Variants in RP1L1 observed in about 807,000 individuals in gnomAD.
RP1L1 encodes RP1 like 1, also known as retinitis pigmentosa 1-like 1 protein.
A neutral mutation model predicts 15.7 loss-of-function variants in RP1L1; 27 were observed. That is an observed-to-expected ratio of 1.72 (90% confidence interval 1.27 to 2.38). The LOEUF is 2.38. Among genes scored for constraint, RP1L1 ranks in the 30% most tolerant of loss-of-function variants. The pLI is 0.00. For synonymous variants in RP1L1, 1,813 were observed against 1,276.7 expected (o/e 1.42, Z -8.96); for missense variants, 4,798 against 3,075.9 (o/e 1.56, Z -13.24).
rs145940513 is a variant in RP1L1 at position 10,631,253 on chromosome 8, GCA to G, written c.-19-8035_-19-8034del. On this transcript the variant is annotated intron_variant, in intron 1 of 3. Transcript: ENST00000382483. Reference sequence around the variant, plus strand: ...CACACACGTACACACATGCACACATGCACACACACGCACACAAACACGCATGC... The same window carrying G: ...CACACACGTACACACATGCACACATGCACACACGCACACAAACACGCATGC... 6.5e-3 allele frequency among the ~76,000 whole-genome samples: 935 copies of G among 144,954 alleles called. 9 individuals are homozygous for G. The highest frequency in any genetic ancestry group is 0.022 in the African/African-American group (870 of 38,760).
rs1797788649 is a variant in RP1L1 at position 10,609,603 on chromosome 8, C to T, written c.4495G>A (p.Ala1499Thr). The change falls in exon 4 of 4, where the codon GCT becomes ACT. Residue 1499 changes from alanine (A) to threonine (T), a missense_variant. Coordinates refer to ENST00000382483, the MANE Select transcript of RP1L1 (RefSeq NM_178857.6). ...EHTQAQPTQG[A>T]AERSSSVACS... ...GCCACCGAAGAGCTCCTCTCTGCAGCCCCCTGGGTGGGTTGGGCCTGCGTG... is the reference window on the plus strand; with the variant it reads ...GCCACCGAAGAGCTCCTCTCTGCAGTCCCCTGGGTGGGTTGGGCCTGCGTG... 1.2e-6 allele frequency: 2 copies of T among 1,606,498 alleles called. No individual in the cohort carries two copies. Among genetic ancestry groups the T allele is most frequent in the African/African-American group, 2.7e-5 (2 of 75,032 alleles).
chr8:10,632,326 C>G (rs11778453), intron 1 of RP1L1, among the ~76,000 whole-genome samples: 60,083 of 152,124 alleles, frequency 0.39, 13,464 homozygotes, highest in East Asian at 0.92. Context: ...TTTTCCTCAG[C>G]CTTTTCTCCT....
At position 10,610,296 on chromosome 8, in the gene RP1L1, C is replaced by A. The variant is rs368855563; in HGVS notation, c.3802G>T (p.Ala1268Ser). 1.2e-5 allele frequency: 19 copies of A among 1,614,080 alleles called. No individual in the cohort carries two copies. The highest frequency in any genetic ancestry group is 8.9e-5 in the East Asian group (4 of 44,894). Residue 1268 changes from alanine (A) to serine (S), a missense_variant, in exon 4 of 4, where the codon GCT (alanine) becomes TCT (serine). Coordinates refer to ENST00000382483, the MANE Select transcript of RP1L1 (RefSeq NM_178857.6). Reference sequence around the variant, plus strand: ...GCTTCATCCTCATTGGTGGCACAAGCGCAGGCTCGGGCGTTCAAGAAGGTT... The same window carrying A: ...GCTTCATCCTCATTGGTGGCACAAGAGCAGGCTCGGGCGTTCAAGAAGGTT... Reference protein sequence around the residue: ...FPTFLNARACACATNEDEAER... With the variant: ...FPTFLNARACSCATNEDEAER...
chr8:10,641,514 G>A (rs1358540005), intron 1 of RP1L1, among the ~76,000 whole-genome samples: 2 of 152,214 alleles, frequency 1.3e-5, no homozygotes, highest in Non-Finnish European at 2.9e-5. Context: ...TTAAAAAGAT[G>A]TGAGGAGAAA....
rs75840879 is a variant in RP1L1 at position 10,646,052 on chromosome 8, C to T, written c.-20+8846G>A. On this transcript the variant is annotated intron_variant, in intron 1 of 3. Coordinates refer to ENST00000382483, the MANE Select transcript of RP1L1 (RefSeq NM_178857.6). ...GTCACCAAGAGAACAAGATAGAAGC[C>T]GTCCCTGCACTTCCAAACTTAGAGT... Among the ~76,000 whole-genome samples, 1,118 of 152,292 alleles carry T rather than the reference C, an allele frequency of 7.3e-3. 10 individuals are homozygous for T. The highest frequency in any genetic ancestry group is 9.6e-3 in the Non-Finnish European group (653 of 68,028).
chr8:10,622,666 G>A lies in RP1L1; in HGVS notation c.536C>T (p.Ala179Val), dbSNP rs1160325788. The A allele has an allele frequency of 6.8e-6, 11 of 1,614,186 alleles. No individual in the cohort carries two copies. The highest frequency in any genetic ancestry group is 1.1e-5 in the South Asian group (1 of 91,078). Residue 179 changes from alanine to valine, a missense_variant, in exon 2 of 4, where the codon GCC becomes GTC. By Grantham distance (64) the Ala-to-Val change is moderately conservative. Coordinates refer to ENST00000382483, the MANE Select transcript of RP1L1 (RefSeq NM_178857.6). ...VLSHRNTRNLAAFLGKASDLL... is the reference protein window; with the variant it reads ...VLSHRNTRNLVAFLGKASDLL... ...ATCTGAGGCTTTGCCGAGAAAGGCG[G>A]CCAGGTTCCTAGTATTCCTGTGACT...
chr8:10,614,839 G>A (rs1378896048), intron 3 of RP1L1, among the ~76,000 whole-genome samples: 1 of 152,098 alleles, frequency 6.6e-6, no homozygotes, highest in Non-Finnish European at 1.5e-5. Context: ...ACGAGTTAAT[G>A]GGTGCAGCAC....
Position 10,645,519 on chromosome 8 carries a change from T to C in RP1L1, c.-20+9379A>G, listed in dbSNP as rs183512166. Among the ~76,000 whole-genome samples the C allele has an allele frequency of 5.1e-4, 78 of 152,224 alleles. No homozygotes were observed. In the East Asian group the frequency reaches 0.015, roughly 28 times the overall value. On this transcript the variant is annotated intron_variant, in intron 1 of 3. Transcript: ENST00000382483. ...GGGGCTTTGGTCCACATCACAGATGTCCAATATCACTTTGTACAGCAGAGT... is the reference window on the plus strand; with the variant it reads ...GGGGCTTTGGTCCACATCACAGATGCCCAATATCACTTTGTACAGCAGAGT...
At chr8:10,624,461 T>G (rs4560753) in intron 1 of RP1L1, among the ~76,000 whole-genome samples, 139,814 of 152,294 alleles carry the variant, frequency 0.92, 64,468 homozygotes, top group Non-Finnish European at 0.95. Flanking sequence ...GTCAAGGAAG[T>G]CCTCCTGGAG....
At chr8:10,650,865 C>T (rs1185161792) in intron 1 of RP1L1, among the ~76,000 whole-genome samples, 2 of 152,222 alleles carry the variant, frequency 1.3e-5, no homozygotes, top group Non-Finnish European at 2.9e-5. Context: ...CCACACTCAG[C>T]TGACTCTGTA....
Position 10,612,747 on chromosome 8 carries a change from C to G in RP1L1, c.1351G>C (p.Asp451His), listed in dbSNP as rs1336441713. 3 of 1,608,110 alleles carry G rather than the reference C, an allele frequency of 1.9e-6. No homozygotes were observed. Among genetic ancestry groups the G allele is most frequent in the Middle Eastern group, 3.3e-4 (2 of 6,052 alleles). The change falls in exon 4 of 4, where the codon GAC becomes CAC. Residue 451 changes from aspartate (D) to histidine (H), a missense_variant. Asp to His is a moderately conservative substitution (Grantham distance 81). Coordinates refer to ENST00000382483, the MANE Select transcript of RP1L1 (RefSeq NM_178857.6). ...GTAGRERCSQ[D>H]SASPASSTGL... ...GTGCTGGAGGCTGGGCTGGCACTGT[C>G]CTGGCTGCATCTCTCCCTCCCGGCA...
intron 1 of RP1L1, among the ~76,000 whole-genome samples, chr8:10,645,963 C>T (rs1051345133): frequency 8.5e-5 from 13 of 152,220 alleles, no homozygotes; most frequent in African/African-American, 2.7e-4. Context: ...CCCTTCAACC[C>T]CCTGCAGGCA....
chr8:10,627,680 G>A (rs1403979767), intron 1 of RP1L1, among the ~76,000 whole-genome samples: 1 of 151,882 alleles, frequency 6.6e-6, no homozygotes, highest in African/African-American at 2.4e-5. Flanking sequence ...TAAAAGGAGG[G>A]GGTGGGATGA....
Position 10,609,714 on chromosome 8 carries a change from G to A in RP1L1, c.4384C>T (p.Pro1462Ser), listed in dbSNP as rs753349000. 6.2e-7 allele frequency: 1 copy of A among 1,613,190 alleles called. No individual in the cohort carries two copies. Among genetic ancestry groups the A allele is most frequent in the East Asian group, 2.2e-5 (1 of 44,866 alleles). ...CCACTCTGCCTCTCGCTGGCACTTGGGTCCGTCTCGCTGAGATGACTAGGG... is the reference window on the plus strand; with the variant it reads ...CCACTCTGCCTCTCGCTGGCACTTGAGTCCGTCTCGCTGAGATGACTAGGG... The part of the protein sequence containing the change: ...EPPSHLSETD[P>S]SASERQSGSQ... The change falls in exon 4 of 4, where the codon CCA becomes TCA. Residue 1462 changes from proline (P) to serine (S), a missense_variant. Coordinates refer to ENST00000382483, the MANE Select transcript of RP1L1 (RefSeq NM_178857.6).
intron 1 of RP1L1, among the ~76,000 whole-genome samples, chr8:10,645,843 C>A (rs1217888090): frequency 6.6e-6 from 1 of 152,008 alleles, no homozygotes; most frequent in Admixed American, 6.6e-5. Flanking sequence ...CTGAACCCTG[C>A]ACCAGGCTCC....
At chr8:10,623,565 C>G (rs1486166935) in intron 1 of RP1L1, among the ~76,000 whole-genome samples, 1 of 151,370 alleles carries the variant, frequency 6.6e-6, no homozygotes, top group South Asian at 2.1e-4. Flanking sequence ...TCCCCAGCAC[C>G]TCCATGTCCC....
intron 1 of RP1L1, among the ~76,000 whole-genome samples, chr8:10,647,954 C>T (rs895372581): frequency 3.9e-5 from 6 of 152,198 alleles, no homozygotes; most frequent in African/African-American, 1.4e-4. Context: ...TTTATATTCC[C>T]ACCATGGTGC....
At chr8:10,642,297 T>C (rs1798418468) in intron 1 of RP1L1, among the ~76,000 whole-genome samples, 1 of 152,202 alleles carries the variant, frequency 6.6e-6, no homozygotes, top group African/African-American at 2.4e-5. Context: ...GGGACTGCAA[T>C]AGATGCAGTT....
At chr8:10,625,401 G>A (rs1172677613) in intron 1 of RP1L1, among the ~76,000 whole-genome samples, 1 of 152,038 alleles carries the variant, frequency 6.6e-6, no homozygotes, top group Non-Finnish European at 1.5e-5. Context: ...GGAAATGCTG[G>A]GAGGAAAGAC....
Sources: allele counts gnomAD v4.1 joint callset (sites outside exome capture counted in the v4.1 genomes callset), GRCh38; gene constraint gnomAD v4.1.1; transcripts MANE v1.5; gene names NCBI Gene and HGNC (gene_info 2026-07-23, HGNC 2026-07-21).